LRRK1: variants seen among roughly 807,000 people sequenced by gnomAD.
LRRK1 encodes leucine rich repeat kinase 1, also known as leucine-rich repeat serine/threonine-protein kinase 1.
Under a neutral mutation model 209.1 loss-of-function variants are expected in LRRK1, and 113 were observed. The observed-to-expected ratio is 0.54, with a 90% CI of 0.46 to 0.63. The LOEUF is 0.63. LRRK1 is among the 30% of genes least tolerant of loss of function. The probability of loss-of-function intolerance (pLI) is 0.00; values close to 1 mark genes in which losing one functional copy is unlikely to be tolerated. For missense variants in LRRK1, 2,284 were observed against 2,632.2 expected, an observed-to-expected ratio of 0.87 and a Z score of 2.89; for synonymous variants, 1,144 against 1,099.7, an observed-to-expected ratio of 1.04 and a Z score of -0.80.
intron 6 of LRRK1, among the ~76,000 whole-genome samples, chr15:100,999,243 A>G (rs2032574390): frequency 1.3e-5 from 2 of 152,222 alleles, no homozygotes; most frequent in African/African-American, 4.8e-5. Context: ...GAAATGACTG[A>G]AATATTACAG....
chr15:100,939,028 C>A (rs28539864), intron 2 of LRRK1, among the ~76,000 whole-genome samples: 4 of 151,996 alleles, frequency 2.6e-5, no homozygotes, highest in African/African-American at 9.7e-5. Context: ...AGGAGATGGA[C>A]GTTACAGTGA....
chr15:101,066,764 T>G (rs1270096381), intron 33 of LRRK1, 23 bp downstream of exon 33: 2 of 1,587,242 alleles, frequency 1.3e-6, no homozygotes, highest in East Asian at 2.2e-5. Flanking sequence ...GGCAGCTCCT[T>G]TAGGACCCAG....
At chr15:101,021,255 C>G in intron 13 of LRRK1, 73 bp downstream of exon 13, 7 of 1,525,024 alleles carry the variant, frequency 4.6e-6, no homozygotes, top group Middle Eastern at 1.9e-4. Flanking sequence ...CCTAAACCAA[C>G]TGGGACACAG....
chr15:100,979,839 G>A (rs770566066), intron 3 of LRRK1, among the ~76,000 whole-genome samples: 2 of 152,170 alleles, frequency 1.3e-5, no homozygotes, highest in Admixed American at 6.5e-5. Context: ...GTTCAACATC[G>A]TTAGCCATTA....
intron 24 of LRRK1, among the ~76,000 whole-genome samples, 166 bp downstream of exon 24, chr15:101,052,126 C>T (rs2035492309): frequency 6.6e-6 from 1 of 152,220 alleles, no homozygotes; most frequent in Admixed American, 6.5e-5. Flanking sequence ...CCTCGGCTGC[C>T]TGAAAGGAAC....
In LRRK1 at chr15:101,051,904, C is replaced by A. The variant is rs1259791872; in HGVS notation, c.3633C>A (p.Leu1211=). The A allele has an allele frequency of 6.2e-7, 1 of 1,614,036 alleles. No individual in the cohort carries two copies. Among genetic ancestry groups the A allele is most frequent in the African/African-American group, 1.3e-5 (1 of 75,072 alleles). Residue 1211 remains leucine (L), a synonymous_variant, in exon 24 of 34, where the codon CTC becomes CTA. Coordinates refer to ENST00000388948, the MANE Select transcript of LRRK1 (RefSeq NM_024652.6). The part of the protein sequence containing the change: ...DFISCPRHPD[L]PVPLQELVPE... ...TCTCCTGCCCCAGACACCCGGACCT[C>A]CCCGTGCCGCTGCAGGAGCTGGTCC...
At chr15:100,927,103 A>T (rs370912689) in intron 2 of LRRK1, among the ~76,000 whole-genome samples, 18 of 152,186 alleles carry the variant, frequency 1.2e-4, no homozygotes, top group Admixed American at 5.2e-4. Context: ...TCAGGTGCAC[A>T]TGTCCCCTGG....
chr15:100,991,713 A>G (rs915359282), intron 6 of LRRK1, among the ~76,000 whole-genome samples: 1 of 152,088 alleles, frequency 6.6e-6, no homozygotes, highest in Non-Finnish European at 1.5e-5. Context: ...TTATTATTCC[A>G]TGTCTTATTG....
intron 6 of LRRK1, among the ~76,000 whole-genome samples, chr15:101,005,289 C>T (rs963942604): frequency 1.3e-5 from 2 of 152,172 alleles, no homozygotes; most frequent in Non-Finnish European, 2.9e-5. Flanking sequence ...TCCAAAGACT[C>T]CTACCCAAAG....
chr15:101,056,724 C>A, intron 27 of LRRK1, 132 bp from the exon 28 acceptor site: 1 of 626,712 alleles, frequency 1.6e-6, no homozygotes, highest in Non-Finnish European at 2.7e-6. Flanking sequence ...GATAGAGGGA[C>A]ATGGTCAGGT....
At position 101,029,057 on chromosome 15, in the gene LRRK1, T is replaced by C; in HGVS notation, c.2788T>C (p.Cys930Arg). 1 of 1,614,192 alleles carries C rather than the reference T, an allele frequency of 6.2e-7. No individual in the cohort carries two copies. Among genetic ancestry groups the C allele is most frequent in the Non-Finnish European group, 8.5e-7 (1 of 1,180,038 alleles). Residue 930 changes from cysteine (C) to arginine (R), a missense_variant, in exon 20 of 34, where the codon TGT (cysteine) becomes CGT (arginine). Cys to Arg is a radical substitution (Grantham distance 180). This residue lies in a region of LRRK1 where 780 missense variants were observed against 985.2 expected (regional missense o/e 0.79). Coordinates refer to ENST00000388948, the MANE Select transcript of LRRK1 (RefSeq NM_024652.6). ...YFLDPIWLSE[C>R]LQRIFNIKGS... ...CCTCGACCCTATTTGGCTCTCCGAA[T>C]GTCTGCAGAGGATCTTTAATATTAA...
rs374008052 is a variant in LRRK1 at position 101,027,710 on chromosome 15, G to C, written c.2599G>C (p.Val867Leu). 1.2e-6 allele frequency: 2 copies of C among 1,612,664 alleles called. No homozygotes were observed. The highest frequency in any genetic ancestry group is 1.7e-6 in the Non-Finnish European group (2 of 1,179,562). The change falls in exon 19 of 34, where the codon GTG (valine) becomes CTG (leucine). Residue 867 changes from valine (V) to leucine (L), a missense_variant. Transcript: ENST00000388948. This position sits in a 1 kb window ranked among gnomAD's most constrained non-coding sequence, Gnocchi z 5.1. Reference sequence around the variant, plus strand: ...GCAGCGCCGCAGCCGGGACGACGACGTGCAGTACCTGACGGACAGGCAGCT... The same window carrying C: ...GCAGCGCCGCAGCCGGGACGACGACCTGCAGTACCTGACGGACAGGCAGCT... ...EQQRRSRDDDVQYLTDRQLEQ... is the reference protein window; with the variant it reads ...EQQRRSRDDDLQYLTDRQLEQ...
chr15:101,026,152 T>G lies in LRRK1; in HGVS notation c.2405+15T>G. 6.2e-7 allele frequency: 1 copy of G among 1,612,740 alleles called. No homozygotes were observed. Among genetic ancestry groups the G allele is most frequent in the Non-Finnish European group, 8.5e-7 (1 of 1,178,806 alleles). ...AAACACTTACAGTGAGTGCCCAGCC[T>G]CGGGCAGCTCCTGCCTTCTTGTGGG... On this transcript the variant is annotated intron_variant, in intron 17 of 33. Coordinates refer to ENST00000388948, the MANE Select transcript of LRRK1 (RefSeq NM_024652.6).
At chr15:100,953,947 A>G (rs111235189) in intron 2 of LRRK1, among the ~76,000 whole-genome samples, 10,871 of 151,932 alleles carry the variant, frequency 0.072, 474 homozygotes, top group African/African-American at 0.1. Flanking sequence ...ACACAGTCTC[A>G]CTGTGTCCCC....
At chr15:100,942,803 C>A (rs987717055) in intron 2 of LRRK1, among the ~76,000 whole-genome samples, 1 of 152,146 alleles carries the variant, frequency 6.6e-6, no homozygotes, top group Admixed American at 6.5e-5. Flanking sequence ...TGCCCGGAGT[C>A]CCCCTCTGGT....
At chr15:101,020,945 C>T in intron 12 of LRRK1, 108 bp from the exon 13 acceptor site, 1 of 1,271,388 alleles carries the variant, frequency 7.9e-7, no homozygotes, top group Non-Finnish European at 1.1e-6. Context: ...GATAGGCTTG[C>T]CAAAATGCCC....
chr15:100,955,560 G>A (rs552122741), intron 2 of LRRK1, among the ~76,000 whole-genome samples: 3 of 152,270 alleles, frequency 2.0e-5, no homozygotes, highest in Non-Finnish European at 4.4e-5. Flanking sequence ...TACTTGTCTT[G>A]TTCCTGATCT....
rs1190311038 is a variant in LRRK1 at position 101,072,438 on chromosome 15, C to G, written c.*3590C>G. 6.6e-6 allele frequency: 1 copy of G among 152,250 alleles called. No individual in the cohort carries two copies. The highest frequency in any genetic ancestry group is 2.4e-5 in the African/African-American group (1 of 41,452). The allele number at this position is 152,250 out of a possible 1,614,324, so 9.4% of individuals were successfully genotyped here. On this transcript the variant is annotated 3_prime_UTR_variant, in exon 34 of 34. Transcript: ENST00000388948. ...ACTAACTGCTGGACTGGAATGTTCT[C>G]CAAGATATAATAAATGCATTTGTTT...
intron 33 of LRRK1, among the ~76,000 whole-genome samples, chr15:101,068,329 A>G (rs1235931424): frequency 6.6e-6 from 1 of 152,048 alleles, no homozygotes; most frequent in East Asian, 1.9e-4. Context: ...CACAAGCAGA[A>G]ATTTGGGTCA....
Sources: allele counts gnomAD v4.1 joint callset (sites outside exome capture counted in the v4.1 genomes callset), GRCh38; gene constraint gnomAD v4.1.1; regional missense constraint gnomAD v4.1.1; non-coding constraint Gnocchi (gnomAD v3.1); transcripts MANE v1.5; gene names NCBI Gene and HGNC (gene_info 2026-07-23, HGNC 2026-07-21).